Variants in LRRTM4 observed in about 807,000 individuals in gnomAD.
The protein encoded by LRRTM4 is leucine-rich repeat transmembrane neuronal protein 4.
Under a neutral mutation model 47.6 loss-of-function variants are expected in LRRTM4, and 25 were observed. The observed-to-expected ratio is 0.53, with a 90% CI of 0.38 to 0.73. The LOEUF (loss-of-function observed/expected upper bound fraction) is 0.73. Among genes scored for constraint, LRRTM4 ranks in the 30% least tolerant of loss-of-function variants. The pLI, the probability that LRRTM4 is intolerant of heterozygous loss-of-function variation, is 0.00. For synonymous variants in LRRTM4, 311 were observed against 269.5 expected, an observed-to-expected ratio of 1.15 and a Z score of -1.51; for missense variants, 638 against 713.4, an observed-to-expected ratio of 0.89 and a Z score of 1.20.
chr2:76,924,757 AAGACACACACGC>A (rs1043230099), intron 3 of LRRTM4, among the ~76,000 whole-genome samples: 7 of 152,056 alleles, frequency 4.6e-5, no homozygotes, highest in African/African-American at 1.7e-4. Context: ...TAGGAATAAT[AAGACACACACGC>A]AGACACACAC....
Position 77,421,659 on chromosome 2 carries a change from A to G in LRRTM4, c.1551+96659T>C, listed in dbSNP as rs550629587. Among the ~76,000 whole-genome samples the G allele has an allele frequency of 1.1e-4, 17 of 151,736 alleles. 1 individual carries two copies. In the South Asian group the frequency reaches 1.5e-3, roughly 13 times the overall value. On this transcript the variant is annotated intron_variant, in intron 3 of 3. Transcript: ENST00000409884. ...GAGGCGGAGCTTGCAGTGAGCCGAG[A>G]TCACACCACTGCACTCCAGCCTGGG... is the stretch of plus-strand genomic sequence containing the variant.
intron 3 of LRRTM4, among the ~76,000 whole-genome samples, chr2:76,983,207 A>G (rs1470893716): frequency 6.6e-6 from 1 of 152,070 alleles, no homozygotes; most frequent in Non-Finnish European, 1.5e-5. Flanking sequence ...TATTCAAGGT[A>G]ATGGTATGGT....
At chr2:76,992,700 C>T (rs1231036544) in intron 3 of LRRTM4, among the ~76,000 whole-genome samples, 2 of 151,106 alleles carry the variant, frequency 1.3e-5, no homozygotes, top group Non-Finnish European at 3.0e-5. Context: ...CTATACTGCC[C>T]AAAACAACCT....
chr2:76,899,167 A>G (rs1673528070), intron 3 of LRRTM4, among the ~76,000 whole-genome samples: 2 of 152,076 alleles, frequency 1.3e-5, no homozygotes, highest in Non-Finnish European at 2.9e-5. Context: ...GTATGCATAT[A>G]CCTCAAGATA....
chr2:77,290,975 G>C (rs1398731908), intron 3 of LRRTM4, among the ~76,000 whole-genome samples: 1 of 151,990 alleles, frequency 6.6e-6, no homozygotes, highest in Non-Finnish European at 1.5e-5. Context: ...AGTCCCAGAG[G>C]AGGACATTAC....
At chr2:76,920,202 G>C (rs1002126573) in intron 3 of LRRTM4, among the ~76,000 whole-genome samples, 1 of 152,042 alleles carries the variant, frequency 6.6e-6, no homozygotes, top group African/African-American at 2.4e-5. Flanking sequence ...TAGTTAATTT[G>C]TAGCCATTCC....
At chr2:76,863,188 G>C (rs533134864) in intron 3 of LRRTM4, among the ~76,000 whole-genome samples, 2 of 152,228 alleles carry the variant, frequency 1.3e-5, no homozygotes, top group African/African-American at 4.8e-5. Flanking sequence ...GAAAAATCCA[G>C]CTACCAAGAG....
chr2:77,100,169 C>G (rs1273251452), intron 3 of LRRTM4, among the ~76,000 whole-genome samples: 1 of 152,080 alleles, frequency 6.6e-6, no homozygotes, highest in African/African-American at 2.4e-5. Context: ...ATAATGTTGA[C>G]TGCGATAGAA....
chr2:77,402,889 G>A (rs1490234326), intron 3 of LRRTM4, among the ~76,000 whole-genome samples: 3 of 151,916 alleles, frequency 2.0e-5, no homozygotes, highest in Non-Finnish European at 2.9e-5. Flanking sequence ...ATCTATACTT[G>A]AAAATCTGCC....
At chr2:76,764,358 G>A (rs762902202) in intron 3 of LRRTM4, among the ~76,000 whole-genome samples, 7 of 152,272 alleles carry the variant, frequency 4.6e-5, no homozygotes, top group East Asian at 3.9e-4. Context: ...GAGGCAGGGC[G>A]CAGTGGCTCA....
intron 3 of LRRTM4, among the ~76,000 whole-genome samples, chr2:76,908,316 T>A (rs1157356873): frequency 2.0e-5 from 3 of 152,074 alleles, no homozygotes; most frequent in African/African-American, 7.3e-5. Flanking sequence ...AAACTCTCAA[T>A]AAATTAGGTA....
At chr2:77,089,269 G>GA (rs1680843290) in intron 3 of LRRTM4, among the ~76,000 whole-genome samples, 1 of 150,412 alleles carries the variant, frequency 6.6e-6, no homozygotes, top group South Asian at 2.1e-4. Context: ...TGCTTTTCTG[G>GA]GAGGGGGCAA....
chr2:77,431,177 C>T (rs141617342), intron 3 of LRRTM4, among the ~76,000 whole-genome samples: 3 of 149,042 alleles, frequency 2.0e-5, no homozygotes, highest in Non-Finnish European at 4.4e-5. Flanking sequence ...TAAATCTTCT[C>T]GTCTATCTCT....
chr2:77,386,774 C>G (rs529630457), intron 3 of LRRTM4, among the ~76,000 whole-genome samples: 1 of 152,094 alleles, frequency 6.6e-6, no homozygotes, highest in Admixed American at 6.6e-5. Context: ...ACATCACACA[C>G]CAGGGCCTGT....
intron 3 of LRRTM4, among the ~76,000 whole-genome samples, chr2:77,480,822 G>GGGGAGAGA (rs1553449523): frequency 2.7e-5 from 2 of 74,500 alleles, no homozygotes; most frequent in Non-Finnish European, 4.8e-5. Flanking sequence ...GTGTGTGTGT[G>GGGGAGAGA]GAGAGAGAGA....
intron 3 of LRRTM4, among the ~76,000 whole-genome samples, chr2:77,290,508 T>A (rs903350207): frequency 1.3e-5 from 2 of 151,778 alleles, no homozygotes; most frequent in Non-Finnish European, 2.9e-5. Context: ...CAACTACAGT[T>A]AACAAAAAAT....
intron 3 of LRRTM4, among the ~76,000 whole-genome samples, chr2:77,324,436 T>A (rs774210410): frequency 4.6e-5 from 7 of 152,234 alleles, no homozygotes; most frequent in Admixed American, 2.0e-4. Context: ...AAATGGAGGC[T>A]CAAATCTAGT....
chr2:77,006,842 TAGAGGTCAGAGC>T (rs1303635451), intron 3 of LRRTM4, among the ~76,000 whole-genome samples: 1 of 151,700 alleles, frequency 6.6e-6, no homozygotes, highest in Non-Finnish European at 1.5e-5. Flanking sequence ...ACACCAAGAG[TAGAGGTCAGAGC>T]AGACCTTAAT....
chr2:77,385,775 T>C (rs1271784792), intron 3 of LRRTM4, among the ~76,000 whole-genome samples: 1 of 137,760 alleles, frequency 7.3e-6, no homozygotes, highest in African/African-American at 2.8e-5. Flanking sequence ...TGAGATGGAG[T>C]CTCACTCTGT....
Sources: gnomAD v4.1 joint callset for allele counts (sites outside exome capture counted in the v4.1 genomes callset) on GRCh38, gnomAD v4.1.1 for gene constraint, MANE v1.5 for transcripts, NCBI Gene and HGNC (gene_info 2026-07-23, HGNC 2026-07-21) for gene names.